Variants in COL4A3 observed in about 807,000 individuals in gnomAD.
COL4A3 encodes the protein collagen type IV alpha 3 chain.
A neutral mutation model predicts 217.4 loss-of-function variants in COL4A3; 135 were observed. That is an observed-to-expected ratio of 0.62 (90% CI 0.54 to 0.72). COL4A3 has a LOEUF of 0.72. COL4A3 is among the 30% of genes least tolerant of loss of function. The pLI, the probability that COL4A3 is intolerant of heterozygous loss-of-function variation, is 0.00. For synonymous variants in COL4A3, 690 were observed against 736.3 expected, an observed-to-expected ratio of 0.94 and a Z score of 1.02; for missense variants, 1,868 against 2,119.9, an observed-to-expected ratio of 0.88 and a Z score of 2.33.
At chr2:227,245,115 C>A in intron 5 of COL4A3, 120 bp downstream of exon 5, 1 of 933,570 alleles carries the variant, frequency 1.1e-6, no homozygotes, top group Non-Finnish European at 1.7e-6. Context: ...AAGAAAATAG[C>A]ACCTTAGGAT....
At chr2:227,207,421 G>A (rs1178198585) in intron 1 of COL4A3, among the ~76,000 whole-genome samples, 3 of 151,958 alleles carry the variant, frequency 2.0e-5, no homozygotes, top group African/African-American at 4.8e-5. Flanking sequence ...TCTCGTAGCC[G>A]AAACACAGGT....
intron 1 of COL4A3, among the ~76,000 whole-genome samples, chr2:227,201,428 A>G (rs1490243820): frequency 6.6e-6 from 1 of 152,222 alleles, no homozygotes. Flanking sequence ...CCAGGCTTAC[A>G]TTGTATTTGC....
chr2:227,229,770 C>A (rs1032263663), intron 1 of COL4A3, among the ~76,000 whole-genome samples: 4 of 152,076 alleles, frequency 2.6e-5, no homozygotes, highest in Admixed American at 6.6e-5. Flanking sequence ...ATTTCCCGGC[C>A]GGGCGCGGTG....
intron 23 of COL4A3, among the ~76,000 whole-genome samples, 150 bp from the exon 24 acceptor site, chr2:227,269,747 TCTGTTATTTACTC>T (rs1250116794): frequency 6.6e-6 from 1 of 152,208 alleles, no homozygotes; most frequent in Non-Finnish European, 1.5e-5. Flanking sequence ...GATCTCTTGT[TCTGTTATTTACTC>T]CCATTCTCTT....
At chr2:227,185,542 G>A (rs2066003766) in intron 1 of COL4A3, among the ~76,000 whole-genome samples, 1 of 152,200 alleles carries the variant, frequency 6.6e-6, no homozygotes, top group African/African-American at 2.4e-5. Context: ...TTAAGATAGT[G>A]TGTTCATCTT....
Position 227,173,436 on chromosome 2 carries a change from A to C in COL4A3, c.87+8623A>C, listed in dbSNP as rs111647688. Among the ~76,000 whole-genome samples the C allele has an allele frequency of 6.3e-3, 965 of 152,296 alleles. 14 individuals are homozygous for C. The highest frequency in any genetic ancestry group is 0.021 in the African/African-American group (868 of 41,562). On this transcript the variant is annotated intron_variant, in intron 1 of 51. Coordinates refer to ENST00000396578, the MANE Select transcript of COL4A3 (RefSeq NM_000091.5). Reference sequence around the variant, plus strand: ...TAAGTCCCTGGCTCTGCTTTTCTCAAAGTAGCCATGTCAGCCTTTCCATTC... The same window carrying C: ...TAAGTCCCTGGCTCTGCTTTTCTCACAGTAGCCATGTCAGCCTTTCCATTC...
chr2:227,176,122 A>G lies in COL4A3; in HGVS notation c.87+11309A>G, dbSNP rs113161095. ...AGCTCCTCAGATGAAGAGGAGGGGA[A>G]GAGAACCAGTCTAGATCAACATGGC... On this transcript the variant is annotated intron_variant, in intron 1 of 51. Coordinates refer to ENST00000396578, the MANE Select transcript of COL4A3 (RefSeq NM_000091.5). Among the ~76,000 whole-genome samples, 1,348 of 152,310 alleles carry G rather than the reference A, an allele frequency of 8.9e-3. 13 individuals carry two copies. The highest frequency in any genetic ancestry group is 0.03 in the African/African-American group (1,261 of 41,574).
intron 25 of COL4A3, among the ~76,000 whole-genome samples, chr2:227,272,267 T>C (rs1307595152): frequency 1.3e-5 from 2 of 152,160 alleles, no homozygotes; most frequent in African/African-American, 2.4e-5. Flanking sequence ...AGATGCTCCA[T>C]AAAGTAAATG....
At chr2:227,214,849 G>C (rs1021945486) in intron 1 of COL4A3, among the ~76,000 whole-genome samples, 1 of 152,086 alleles carries the variant, frequency 6.6e-6, no homozygotes, top group Non-Finnish European at 1.5e-5. Context: ...AACTCCTAGG[G>C]CTTGACAGTC....
rs144288767 is a variant in COL4A3, at chr2:227,191,919, G to A, written c.87+27106G>A. 5.3e-4 allele frequency among the ~76,000 whole-genome samples: 80 copies of A among 152,208 alleles called. No homozygotes were observed. Among genetic ancestry groups the A allele is most frequent in the Non-Finnish European group, 9.6e-4 (65 of 68,006 alleles). ...AACAGCAGTGCCCTTATCAAAAACAGACACTTGAGAATTGTGGAAAGGGAA... is the reference window on the plus strand; with the variant it reads ...AACAGCAGTGCCCTTATCAAAAACAAACACTTGAGAATTGTGGAAAGGGAA... On this transcript the variant is annotated intron_variant, in intron 1 of 51. Coordinates refer to ENST00000396578, the MANE Select transcript of COL4A3 (RefSeq NM_000091.5). This position sits in a 1 kb window ranked among gnomAD's most constrained non-coding sequence, Gnocchi z 6.8.
intron 8 of COL4A3, 78 bp downstream of exon 8, chr2:227,247,662 T>C: frequency 7.5e-7 from 1 of 1,334,032 alleles, no homozygotes; most frequent in Non-Finnish European, 1.1e-6. Context: ...ATAATGAGAC[T>C]TAAGTCATTA....
At position 227,166,827 on chromosome 2, in the gene COL4A3, A is replaced by G. The variant is rs1447418975; in HGVS notation, c.87+2014A>G. ...TGATAATCGGGCAATGTGCACCAAC[A>G]TGGCTCCCTTCACAGAGAAACTCTG... On this transcript the variant is annotated intron_variant, in intron 1 of 51. Coordinates refer to ENST00000396578, the MANE Select transcript of COL4A3 (RefSeq NM_000091.5). Among the ~76,000 whole-genome samples the G allele has an allele frequency of 2.0e-5, 3 of 152,322 alleles. No homozygotes were observed. The East Asian group carries it at 5.8e-4, about 29-fold the overall frequency.
chr2:227,208,360 G>T (rs770985280), intron 1 of COL4A3, among the ~76,000 whole-genome samples: 1 of 152,136 alleles, frequency 6.6e-6, no homozygotes, highest in Non-Finnish European at 1.5e-5. Context: ...GCTCCTGGGG[G>T]TAACATCATT....
Position 227,259,793 on chromosome 2 carries a change from A to G in COL4A3, c.1030A>G (p.Thr344Ala). 1 of 1,607,728 alleles carries G rather than the reference A, an allele frequency of 6.2e-7. No individual in the cohort carries two copies. The change falls in exon 19 of 52, where the codon ACA becomes GCA. Residue 344 changes from threonine (T) to alanine (A), a missense_variant and splice_region_variant. Thr to Ala is a moderately conservative substitution (Grantham distance 58). This residue lies in a region of COL4A3 where 1,503 missense variants were observed against 1,786.1 expected (regional missense o/e 0.84). Transcript: ENST00000396578. ...TGTATTTGTTTCTTTCTCCTCTAAG[A>G]CAGAATATTATGACACATACCAGGA... ...DIGPPGFRGP[T>A]EYYDTYQEKG...
intron 49 of COL4A3, 60 bp from the exon 50 acceptor site, chr2:227,309,144 G>T (rs969467591): frequency 6.2e-7 from 1 of 1,607,704 alleles, no homozygotes; most frequent in African/African-American, 1.3e-5. Flanking sequence ...TGGAATGAAA[G>T]GCAGCACATG....
chr2:227,257,724 T>G (rs1035956534), intron 18 of COL4A3, 80 bp downstream of exon 18: 105 of 1,213,670 alleles, frequency 8.7e-5, no homozygotes, highest in Admixed American at 1.5e-4. Flanking sequence ...AATCAGTGTC[T>G]CTCATTAACT....
At chr2:227,193,599 C>T (rs866085935) in intron 1 of COL4A3, among the ~76,000 whole-genome samples, 6 of 152,040 alleles carry the variant, frequency 3.9e-5, no homozygotes, top group Admixed American at 2.0e-4. Flanking sequence ...GTAATCCCAG[C>T]TACTTGGGAG....
At chr2:227,266,795 G>A (rs2070921276) in intron 22 of COL4A3, among the ~76,000 whole-genome samples, 198 bp from the exon 23 acceptor site, 1 of 152,168 alleles carries the variant, frequency 6.6e-6, no homozygotes, top group South Asian at 2.1e-4. Context: ...CCTTTCAGAA[G>A]AACTGTATAG....
chr2:227,293,285 C>A lies in COL4A3; in HGVS notation c.3305C>A (p.Ala1102Asp), dbSNP rs1475004950. ...GHLGPAGPEG[A>D]PGSPGSPGLP... is the part of the protein sequence containing the mutation. ...TTGGGGCCTGCTGGACCTGAGGGAG[C>A]CCCTGGAAGTCCTGGAAGTCCTGGC... The change falls in exon 38 of 52, where the codon GCC (alanine) becomes GAC (aspartate). Residue 1102 changes from alanine to aspartate, a missense_variant. Ala to Asp is a moderately radical substitution (Grantham distance 126). Around this residue, in one of 2 missense-constraint regions of COL4A3, gnomAD observed 1,503 missense variants for 1,786.1 expected, o/e 0.84. Coordinates refer to ENST00000396578, the MANE Select transcript of COL4A3 (RefSeq NM_000091.5). 11 of 1,613,718 alleles carry A rather than the reference C, an allele frequency of 6.8e-6. No individual in the cohort carries two copies. Among genetic ancestry groups the A allele is most frequent in the Non-Finnish European group, 9.3e-6 (11 of 1,179,992 alleles).
Sources: gnomAD v4.1 joint callset for allele counts (sites outside exome capture counted in the v4.1 genomes callset) on GRCh38, gnomAD v4.1.1 for gene constraint, gnomAD v4.1.1 regional missense constraint, Gnocchi (gnomAD v3.1) non-coding constraint, MANE v1.5 for transcripts, NCBI Gene and HGNC (gene_info 2026-07-23, HGNC 2026-07-21) for gene names.